CHRND: variants seen among roughly 807,000 people sequenced by gnomAD.
CHRND encodes the protein cholinergic receptor nicotinic delta subunit, also known as acetylcholine receptor subunit delta.
A neutral mutation model predicts 57.8 loss-of-function variants in CHRND; 40 were observed. The observed-to-expected ratio is 0.69, with a 90% confidence interval of 0.54 to 0.90. CHRND has a LOEUF of 0.90. CHRND is among the 40% of genes least tolerant of loss of function. CHRND has a pLI of 0.00. For synonymous variants in CHRND, 237 were observed against 270.6 expected, an observed-to-expected ratio of 0.88 and a Z score of 1.22; for missense variants, 634 against 673.9, an observed-to-expected ratio of 0.94 and a Z score of 0.66.
rs1383084712 is a variant in CHRND, at chr2:232,535,168, C to T, written c.1410C>T (p.Asp470=). 5 of 1,614,220 alleles carry T rather than the reference C, an allele frequency of 3.1e-6. No homozygotes were observed. In the South Asian group the frequency reaches 3.3e-5, roughly 11 times the overall value. ...GGAACCGAGTGGCCCGCACAGTGGACCGCCTCTGCCTGTTTGTGGTGACGC... is the reference window on the plus strand; with the variant it reads ...GGAACCGAGTGGCCCGCACAGTGGATCGCCTCTGCCTGTTTGTGGTGACGC... The part of the protein sequence containing the change: ...DSWNRVARTV[D]RLCLFVVTPV... The change falls in exon 12 of 12, where the codon GAC becomes GAT. Residue 470 remains aspartate (D), a synonymous_variant. Transcript: ENST00000258385.
chr2:232,535,219 G>T lies in CHRND; in HGVS notation c.1461G>T (p.Trp487Cys). 3 of 1,614,230 alleles carry T rather than the reference G, an allele frequency of 1.9e-6. No individual in the cohort carries two copies. The highest frequency in any genetic ancestry group is 2.5e-6 in the Non-Finnish European group (3 of 1,180,042). Residue 487 changes from tryptophan to cysteine, a missense_variant, in exon 12 of 12, where the codon TGG becomes TGT. By Grantham distance (215) the Trp-to-Cys change is radical. Transcript: ENST00000258385. The stretch of plus-strand genomic sequence containing the variant: ...CTGTCATGGTGGTGGGCACAGCCTG[G>T]ATCTTCCTGCAGGGCGTTTACAACC... Reference protein sequence around the residue: ...VTPVMVVGTAWIFLQGVYNQP... With the variant: ...VTPVMVVGTACIFLQGVYNQP...
In CHRND at chr2:232,528,531, C is replaced by T; in HGVS notation, c.384C>T (p.Ser128=). The T allele has an allele frequency of 6.2e-7, 1 of 1,614,186 alleles. No individual in the cohort carries two copies. Among genetic ancestry groups the T allele is most frequent in the South Asian group, 1.1e-5 (1 of 91,082 alleles). Residue 128 remains serine, a synonymous_variant, in exon 5 of 12, where the codon TCC becomes TCT. Coordinates refer to ENST00000258385, the MANE Select transcript of CHRND (RefSeq NM_000751.3). The part of the protein sequence containing the change: ...NNDGSFQISY[S]CNVLVYHYGF... ...ACGGCTCCTTCCAGATCTCCTACTCCTGCAACGTGCTTGTCTACCACTACG... is the reference window on the plus strand; with the variant it reads ...ACGGCTCCTTCCAGATCTCCTACTCTTGCAACGTGCTTGTCTACCACTACG...
intron 6 of CHRND, 126 bp from the exon 7 acceptor site, chr2:232,529,813 A>T: frequency 1.1e-6 from 1 of 928,628 alleles, no homozygotes; most frequent in Non-Finnish European, 1.6e-6. Context: ...CACCAACGGG[A>T]CCCCGTAGAC....
chr2:232,531,736 C>A, intron 9 of CHRND, 80 bp downstream of exon 9: 2 of 1,264,864 alleles, frequency 1.6e-6, no homozygotes, highest in African/African-American at 1.5e-5. Context: ...ATCTCTTGAG[C>A]CCAGGAGTTG....
At chr2:232,532,983 G>A (rs946597546) in intron 9 of CHRND, among the ~76,000 whole-genome samples, 3 of 152,178 alleles carry the variant, frequency 2.0e-5, no homozygotes, top group African/African-American at 4.8e-5. Flanking sequence ...CTGCAGGGCC[G>A]GCTGGCTGTT....
chr2:232,529,789 C>A (rs552373807), intron 6 of CHRND, 150 bp from the exon 7 acceptor site: 4 of 703,494 alleles, frequency 5.7e-6, no homozygotes, highest in East Asian at 2.7e-5. Context: ...CCCGACCCCC[C>A]AGGGAACGAC....
intron 3 of CHRND, 47 bp from the exon 4 acceptor site, chr2:232,528,215 C>G (rs1691553775): frequency 2.6e-6 from 4 of 1,568,186 alleles, no homozygotes; most frequent in Non-Finnish European, 3.5e-6. Context: ...GAGCCAGGAG[C>G]CTGGATGGCT....
chr2:232,535,831 C>T lies in CHRND; in HGVS notation c.*519C>T. 2.2e-6 allele frequency: 1 copy of T among 454,184 alleles called. No homozygotes were observed. 28.1% of individuals were successfully genotyped at this position (454,184 alleles called of 1,614,324 possible). A position where few individuals can be genotyped will look rare whatever the true frequency, so the allele number is the denominator to read the frequency against. ...GAGTATCCTTTCCTAGCTCTTTCTG[C>T]CTTGACCTCTCTGCCTAGGTCCCTT... On this transcript the variant is annotated 3_prime_UTR_variant, in exon 12 of 12. Coordinates refer to ENST00000258385, the MANE Select transcript of CHRND (RefSeq NM_000751.3).
In CHRND at chr2:232,535,283, T is replaced by G. The variant is rs371240499; in HGVS notation, c.1525T>G (p.Tyr509Asp). ...PQPFPGDPYSYNVQDKRFI is the reference protein window; with the variant it reads ...PQPFPGDPYSDNVQDKRFI ...GCCTTTTCCTGGGGACCCCTACTCC[T>G]ACAACGTGCAGGACAAGCGCTTCAT... The change falls in exon 12 of 12, where the codon TAC (tyrosine) becomes GAC (aspartate). Residue 509 changes from tyrosine (Y) to aspartate (D), a missense_variant. Physicochemically the swap from Tyr to Asp is radical, Grantham distance 160. Coordinates refer to ENST00000258385, the MANE Select transcript of CHRND (RefSeq NM_000751.3). 1 of 1,613,848 alleles carries G rather than the reference T, an allele frequency of 6.2e-7. No homozygotes were observed. The highest frequency in any genetic ancestry group is 8.5e-7 in the Non-Finnish European group (1 of 1,180,028).
intron 5 of CHRND, 90 bp downstream of exon 5, chr2:232,528,746 T>C: frequency 6.3e-7 from 1 of 1,587,398 alleles, no homozygotes; most frequent in Non-Finnish European, 8.6e-7. Flanking sequence ...CAGAGGCCCC[T>C]GCCCTGTCTG....
chr2:232,528,130 C>G (rs1691550220), intron 3 of CHRND, 132 bp from the exon 4 acceptor site: 1 of 804,906 alleles, frequency 1.2e-6, no homozygotes, highest in Admixed American at 2.0e-5. Context: ...AATCCGCACT[C>G]TGTACCTGCC....
chr2:232,527,072 G>A (rs1691500429), intron 2 of CHRND, among the ~76,000 whole-genome samples: 2 of 152,148 alleles, frequency 1.3e-5, no homozygotes, highest in African/African-American at 4.8e-5. Context: ...GCCCAGGTGG[G>A]TGGATCACCT....
At chr2:232,526,763 A>T (rs1440574420) in intron 2 of CHRND, 89 bp downstream of exon 2, 9 of 1,427,068 alleles carry the variant, frequency 6.3e-6, no homozygotes, top group Non-Finnish European at 7.8e-6. Context: ...AGAAGCCCCC[A>T]CCTGGCCTAT....
In CHRND at chr2:232,536,645, ATG is replaced by A. The variant is rs1691903239; in HGVS notation, c.*1339_*1340del. ...CCCCAGAAACTGTGTGAGATAATAA[ATG>A]TGTGTTGTTTTAAGTGACAACGTTT... On this transcript the variant is annotated 3_prime_UTR_variant, in exon 12 of 12. Coordinates refer to ENST00000258385, the MANE Select transcript of CHRND (RefSeq NM_000751.3). The A allele has an allele frequency of 2.8e-6, 1 of 357,622 alleles. No homozygotes were observed. Among genetic ancestry groups the A allele is most frequent in the Non-Finnish European group, 5.5e-6 (1 of 181,270 alleles). 22.2% of individuals were successfully genotyped at this position (357,622 alleles called of 1,614,324 possible). A position where few individuals can be genotyped will look rare whatever the true frequency, so the allele number is the denominator to read the frequency against.
intron 6 of CHRND, 87 bp from the exon 7 acceptor site, chr2:232,529,852 C>A: frequency 6.9e-7 from 1 of 1,440,020 alleles, no homozygotes. Flanking sequence ...GACTGGCTTG[C>A]CCTGCCCAGC....
At chr2:232,532,626 T>C (rs2106213037) in intron 9 of CHRND, among the ~76,000 whole-genome samples, 1 of 152,288 alleles carries the variant, frequency 6.6e-6, no homozygotes, top group Middle Eastern at 3.4e-3. Context: ...GTGAACCTCC[T>C]GGCACAGTGT....
chr2:232,526,500 A>G, intron 1 of CHRND, 29 bp from the exon 2 acceptor site: 1 of 1,613,192 alleles, frequency 6.2e-7, no homozygotes, highest in Non-Finnish European at 8.5e-7. Flanking sequence ...CCAGGGCCCC[A>G]TTCAGTCCTT....
intron 7 of CHRND, among the ~76,000 whole-genome samples, chr2:232,530,590 T>C (rs1047792621): frequency 3.9e-5 from 6 of 152,018 alleles, no homozygotes; most frequent in African/African-American, 1.4e-4. Flanking sequence ...GTTCAGAGTA[T>C]TTACTATGAG....
At position 232,535,196 on chromosome 2, in the gene CHRND, G is replaced by A. The variant is rs781074762; in HGVS notation, c.1438G>A (p.Val480Ile). 9 of 1,614,240 alleles carry A rather than the reference G, an allele frequency of 5.6e-6. No individual in the cohort carries two copies. The highest frequency in any genetic ancestry group is 7.6e-6 in the Non-Finnish European group (9 of 1,180,040). ...DRLCLFVVTP[V>I]MVVGTAWIFL... ...CCTCTGCCTGTTTGTGGTGACGCCT[G>A]TCATGGTGGTGGGCACAGCCTGGAT... Residue 480 changes from valine to isoleucine, a missense_variant, in exon 12 of 12, where the codon GTC becomes ATC. Coordinates refer to ENST00000258385, the MANE Select transcript of CHRND (RefSeq NM_000751.3).
Sources: gnomAD v4.1 joint callset for allele counts (sites outside exome capture counted in the v4.1 genomes callset) on GRCh38, gnomAD v4.1.1 for gene constraint, MANE v1.5 for transcripts, NCBI Gene and HGNC (gene_info 2026-07-23, HGNC 2026-07-21) for gene names.